The following SMYD3 variants were observed in gnomAD, a reference collection of about 807,000 sequenced individuals.
SMYD3 encodes the protein SET and MYND domain containing 3.
A neutral mutation model predicts 57.7 loss-of-function variants in SMYD3; 36 were observed. The ratio of observed to expected loss-of-function variants is 0.62; its 90% CI spans 0.48 to 0.82. The LOEUF is 0.82. Among genes scored for constraint, SMYD3 ranks in the 40% least tolerant of loss-of-function variants. The pLI is 0.00. For missense variants in SMYD3, 515 were observed against 538.8 expected (o/e 0.96, Z 0.44); for synonymous variants, 211 against 195.0 (o/e 1.08, Z -0.68).
chr1:245,845,731 C>T (rs908868291), intron 10 of SMYD3, among the ~76,000 whole-genome samples: 1 of 152,214 alleles, frequency 6.6e-6, no homozygotes, highest in Non-Finnish European at 1.5e-5. Flanking sequence ...GCTGCTGCTT[C>T]CTTCTCTCTC....
rs114178186 is a variant in SMYD3, at chr1:246,476,541, T to C, written c.164+30513A>G. ...AACAAGACTGTAAACCACTTTGCCC[T>C]GCTACCCAACTAAGCATCAAGAAAG... is the stretch of plus-strand genomic sequence containing the variant. On this transcript the variant is annotated intron_variant, in intron 1 of 11. Coordinates refer to ENST00000490107, the MANE Select transcript of SMYD3 (RefSeq NM_001167740.2). Among the ~76,000 whole-genome samples the C allele has an allele frequency of 9.9e-3, 1,504 of 152,326 alleles. 34 individuals carry two copies. The highest frequency in any genetic ancestry group is 0.034 in the African/African-American group (1,415 of 41,568).
chr1:246,408,663 C>CTTTTTTTTTTTTTTTTTTTTTTTTTT (rs5782392), intron 1 of SMYD3, among the ~76,000 whole-genome samples: 2 of 65,520 alleles, frequency 3.1e-5, no homozygotes, highest in Non-Finnish European at 5.6e-5. Context: ...AGAAGCAAGT[C>CTTTTTTTTTTTTTTTTTTTTTTTTTT]TTTTTTTTTT....
At chr1:245,761,758 C>G (rs1286207608) in intron 11 of SMYD3, among the ~76,000 whole-genome samples, 4 of 149,902 alleles carry the variant, frequency 2.7e-5, no homozygotes, top group Non-Finnish European at 5.9e-5. Context: ...TCTATCTCCT[C>G]CATTAAATTG....
intron 5 of SMYD3, among the ~76,000 whole-genome samples, chr1:246,243,228 T>C (rs1456317014): frequency 6.6e-6 from 1 of 152,000 alleles, no homozygotes; most frequent in Non-Finnish European, 1.5e-5. Flanking sequence ...CGTGATCTTC[T>C]AGAATTAAAT....
intron 5 of SMYD3, among the ~76,000 whole-genome samples, chr1:246,077,794 C>CAA (rs1228037002): frequency 2.0e-5 from 3 of 152,042 alleles, no homozygotes; most frequent in Admixed American, 2.0e-4. Flanking sequence ...CCACAGGATT[C>CAA]AAGTTGCCTG....
intron 5 of SMYD3, among the ~76,000 whole-genome samples, chr1:246,108,353 T>C (rs2061168122): frequency 6.6e-6 from 1 of 152,208 alleles, no homozygotes; most frequent in African/African-American, 2.4e-5. Context: ...CAGGTTACGC[T>C]ATGAATACAG....
chr1:246,462,673 C>T (rs1438428258), intron 1 of SMYD3, among the ~76,000 whole-genome samples: 1 of 152,158 alleles, frequency 6.6e-6, no homozygotes, highest in Non-Finnish European at 1.5e-5. Flanking sequence ...TGGAGGGCTA[C>T]ACAAACACAC....
chr1:246,330,448 CT>C (rs1189417703), intron 4 of SMYD3, 31 bp downstream of exon 4: 3 of 1,512,124 alleles, frequency 2.0e-6, no homozygotes, highest in East Asian at 2.4e-5. Context: ...ATTATAGAAA[CT>C]TTTTTAAGAT....
chr1:246,245,975 T>C (rs2148487167), intron 5 of SMYD3, among the ~76,000 whole-genome samples: 1 of 152,326 alleles, frequency 6.6e-6, no homozygotes, highest in East Asian at 1.9e-4. Context: ...AAAAAATTCA[T>C]TTGTTTTTGG....
intron 8 of SMYD3, among the ~76,000 whole-genome samples, chr1:245,870,775 G>C (rs1459390234): frequency 6.6e-6 from 1 of 152,220 alleles, no homozygotes; most frequent in East Asian, 1.9e-4. Flanking sequence ...AAAGTTTGGA[G>C]TCCAGCCAGG....
At chr1:246,397,168 G>C (rs2066686473) in intron 1 of SMYD3, among the ~76,000 whole-genome samples, 1 of 152,188 alleles carries the variant, frequency 6.6e-6, no homozygotes, top group Non-Finnish European at 1.5e-5. Context: ...TACCACCTGA[G>C]CTCCACCTCC....
chr1:246,498,410 G>C (rs1463536826), intron 1 of SMYD3, among the ~76,000 whole-genome samples: 2 of 152,168 alleles, frequency 1.3e-5, no homozygotes, highest in African/African-American at 4.8e-5. Flanking sequence ...AGATAATGAA[G>C]CAAGTGCAAA....
At chr1:246,194,510 G>C (rs12401712) in intron 5 of SMYD3, among the ~76,000 whole-genome samples, 1 of 151,936 alleles carries the variant, frequency 6.6e-6, no homozygotes, top group Non-Finnish European at 1.5e-5. Flanking sequence ...CTCGTGTTCC[G>C]CCTGCTTAGG....
At chr1:246,288,483 T>C (rs1297802290) in intron 5 of SMYD3, among the ~76,000 whole-genome samples, 2 of 151,856 alleles carry the variant, frequency 1.3e-5, no homozygotes, top group Admixed American at 1.3e-4. Context: ...TGTGACCCAG[T>C]GGGGGTAATG....
intron 9 of SMYD3, among the ~76,000 whole-genome samples, chr1:245,860,048 A>G (rs975515462): frequency 1.2e-4 from 19 of 152,352 alleles, no homozygotes; most frequent in South Asian, 1.2e-3. Context: ...AGCACATGCT[A>G]CACAAGCATT....
chr1:246,408,663 C>CTT (rs5782392), intron 1 of SMYD3, among the ~76,000 whole-genome samples: 1,239 of 65,482 alleles, frequency 0.019, 62 homozygotes, highest in African/African-American at 0.058. Flanking sequence ...AGAAGCAAGT[C>CTT]TTTTTTTTTT....
At chr1:246,498,825 AC>A (rs35953776) in intron 1 of SMYD3, among the ~76,000 whole-genome samples, 2 of 151,482 alleles carry the variant, frequency 1.3e-5, no homozygotes, top group Non-Finnish European at 2.9e-5. Context: ...GAATGCTTAT[AC>A]CCCCCAGGCT....
chr1:246,033,227 C>A (rs753873746), intron 5 of SMYD3, among the ~76,000 whole-genome samples: 1 of 151,524 alleles, frequency 6.6e-6, no homozygotes, highest in Non-Finnish European at 1.5e-5. Context: ...AAAAAAAAAA[C>A]TAGGGATAAG....
intron 1 of SMYD3, among the ~76,000 whole-genome samples, chr1:246,445,285 G>A (rs944312932): frequency 6.6e-6 from 1 of 152,184 alleles, no homozygotes; most frequent in African/African-American, 2.4e-5. Context: ...TCTCCTGAGT[G>A]TAAATCACTG....
Sources: allele counts gnomAD v4.1 joint callset (sites outside exome capture counted in the v4.1 genomes callset), GRCh38; gene constraint gnomAD v4.1.1; transcripts MANE v1.5; gene names NCBI Gene and HGNC (gene_info 2026-07-23, HGNC 2026-07-21).